Variants in PCSK2 observed in about 807,000 individuals in gnomAD.
PCSK2 encodes the protein neuroendocrine convertase 2.
A neutral mutation model predicts 69.7 loss-of-function variants in PCSK2; 14 were observed. The observed-to-expected ratio is 0.20, with a 90% CI of 0.13 to 0.31. The LOEUF is 0.31. Among genes scored for constraint, PCSK2 ranks in the 10% least tolerant of loss-of-function variants. The pLI is 1.00. For synonymous variants in PCSK2, 307 were observed against 320.7 expected, an observed-to-expected ratio of 0.96 and a Z score of 0.46; for missense variants, 544 against 842.5, an observed-to-expected ratio of 0.65 and a Z score of 4.39.
rs190561555 is a variant in PCSK2, at chr20:17,407,086, G to A, written c.544-2177G>A. On this transcript the variant is annotated intron_variant, in intron 5 of 11. Coordinates refer to ENST00000262545, the MANE Select transcript of PCSK2 (RefSeq NM_002594.5). ...CAGCGTCACATCCTCACCAACCTCC[G>A]CTCCCTGCTCTCCACTGGGGATCAA... 9.5e-4 allele frequency among the ~76,000 whole-genome samples: 144 copies of A among 152,182 alleles called. 3 individuals are homozygous for A. Among genetic ancestry groups the A allele is most frequent in the Admixed American group, 9.0e-3 (138 of 15,284 alleles).
intron 7 of PCSK2, among the ~76,000 whole-genome samples, chr20:17,434,404 G>C (rs1421260516): frequency 6.6e-6 from 1 of 152,068 alleles, no homozygotes; most frequent in Non-Finnish European, 1.5e-5. Context: ...AATTAATACT[G>C]TATCTCATTC....
intron 1 of PCSK2, among the ~76,000 whole-genome samples, chr20:17,234,774 T>G (rs912475859): frequency 1.3e-5 from 2 of 152,174 alleles, no homozygotes; most frequent in Non-Finnish European, 2.9e-5. Context: ...TATAGTTAGG[T>G]TCACAATAAT....
chr20:17,292,970 A>G (rs6044727), intron 2 of PCSK2, among the ~76,000 whole-genome samples: 107,840 of 151,784 alleles, frequency 0.71, 38,598 homozygotes, highest in East Asian at 0.91. Context: ...GACTACAGGC[A>G]CGCAGCATTA....
chr20:17,277,160 T>A (rs1988114053), intron 2 of PCSK2, among the ~76,000 whole-genome samples: 1 of 152,118 alleles, frequency 6.6e-6, no homozygotes, highest in East Asian at 1.9e-4. Flanking sequence ...AATTTATAGA[T>A]TCAATGCCAT....
At chr20:17,294,573 T>C (rs1242256865) in intron 2 of PCSK2, among the ~76,000 whole-genome samples, 2 of 152,234 alleles carry the variant, frequency 1.3e-5, no homozygotes, top group Admixed American at 1.3e-4. Context: ...CATTTTCCTC[T>C]GAGCTCTGTA....
intron 2 of PCSK2, among the ~76,000 whole-genome samples, chr20:17,294,271 ATT>A (rs11483900): frequency 1.2e-4 from 18 of 147,534 alleles, no homozygotes; most frequent in Middle Eastern, 3.4e-3. Context: ...CGCCCGGCTA[ATT>A]TTTTTTGTAT....
In PCSK2 at chr20:17,453,110, TAA is replaced by T. The variant is rs1321550929; in HGVS notation, c.886-627_886-626del. 6.6e-6 allele frequency among the ~76,000 whole-genome samples: 1 copy of T among 152,144 alleles called. No homozygotes were observed. Among genetic ancestry groups the T allele is most frequent in the African/African-American group, 2.4e-5 (1 of 41,430 alleles). ...AAAAGGATTCTAGTATCCAATTGAA[TAA>T]AAAAGAATATATACATATGCACACA... On this transcript the variant is annotated intron_variant, in intron 8 of 11. Transcript: ENST00000262545. This position sits in a 1 kb window ranked among gnomAD's most constrained non-coding sequence, Gnocchi z 4.0.
intron 1 of PCSK2, among the ~76,000 whole-genome samples, chr20:17,239,569 GAA>G (rs1405006089): frequency 6.6e-6 from 1 of 152,100 alleles, no homozygotes; most frequent in Non-Finnish European, 1.5e-5. Flanking sequence ...CCATAAACTA[GAA>G]AATGAGGAGA....
intron 1 of PCSK2, among the ~76,000 whole-genome samples, chr20:17,229,723 C>T (rs1172522574): frequency 6.6e-6 from 1 of 152,026 alleles, no homozygotes; most frequent in African/African-American, 2.4e-5. Flanking sequence ...GTTTAAGTAA[C>T]AGGGACTGCC....
intron 2 of PCSK2, among the ~76,000 whole-genome samples, chr20:17,320,236 C>G (rs548210505): frequency 6.6e-6 from 1 of 152,312 alleles, no homozygotes; most frequent in South Asian, 2.1e-4. Flanking sequence ...ACACTTAGCT[C>G]TCATCCATGT....
At chr20:17,360,100 G>A (rs1416421089) in intron 3 of PCSK2, among the ~76,000 whole-genome samples, 1 of 152,160 alleles carries the variant, frequency 6.6e-6, no homozygotes, top group Non-Finnish European at 1.5e-5. Flanking sequence ...TTGTTATTTA[G>A]TAAGAAGTTA....
intron 1 of PCSK2, among the ~76,000 whole-genome samples, chr20:17,251,811 G>A (rs558416608): frequency 2.6e-5 from 4 of 152,284 alleles, no homozygotes; most frequent in African/African-American, 4.8e-5. Context: ...TCCACGATGT[G>A]TGGAGGCTCA....
intron 1 of PCSK2, among the ~76,000 whole-genome samples, chr20:17,238,156 GTGA>G (rs777079417): frequency 5.9e-5 from 9 of 152,194 alleles, no homozygotes; most frequent in Non-Finnish European, 1.3e-4. Flanking sequence ...AGCATCAAGT[GTGA>G]TGAAGTGGAG....
intron 2 of PCSK2, among the ~76,000 whole-genome samples, chr20:17,317,967 AG>A (rs1989741157): frequency 6.6e-6 from 1 of 152,212 alleles, no homozygotes; most frequent in African/African-American, 2.4e-5. Flanking sequence ...AATAGAAAAA[AG>A]GTTTGCCTGA....
chr20:17,367,850 A>G (rs2030642158), intron 4 of PCSK2, among the ~76,000 whole-genome samples: 1 of 152,178 alleles, frequency 6.6e-6, no homozygotes, highest in Non-Finnish European at 1.5e-5. Flanking sequence ...CAACATTTAA[A>G]AATATTTGTC....
At chr20:17,473,624 C>G (rs931437185) in intron 11 of PCSK2, among the ~76,000 whole-genome samples, 3 of 152,094 alleles carry the variant, frequency 2.0e-5, no homozygotes, top group Non-Finnish European at 4.4e-5. Context: ...CTCATAAAAG[C>G]AATACATGGT....
At chr20:17,438,553 G>A (rs1015094552) in intron 8 of PCSK2, among the ~76,000 whole-genome samples, 7 of 152,166 alleles carry the variant, frequency 4.6e-5, no homozygotes, top group Non-Finnish European at 1.0e-4. Flanking sequence ...ACACGAAATG[G>A]TACGGTTGAG....
At chr20:17,297,236 T>C (rs1187674300) in intron 2 of PCSK2, among the ~76,000 whole-genome samples, 1 of 152,154 alleles carries the variant, frequency 6.6e-6, no homozygotes, top group East Asian at 1.9e-4. Flanking sequence ...TACAGAACAG[T>C]GCCAGACAGA....
rs1170027196 is a variant in PCSK2, at chr20:17,482,181, T to C, written c.*111T>C. Reference sequence around the variant, plus strand: ...TCCATCACCCGTACAGGCAATTCCGTCTTCTTAATCTGAAGCTTCACTCAC... The same window carrying C: ...TCCATCACCCGTACAGGCAATTCCGCCTTCTTAATCTGAAGCTTCACTCAC... On this transcript the variant is annotated 3_prime_UTR_variant, in exon 12 of 12. Coordinates refer to ENST00000262545, the MANE Select transcript of PCSK2 (RefSeq NM_002594.5). The C allele has an allele frequency of 1.6e-5, 15 of 942,702 alleles. No homozygotes were observed. The highest frequency in any genetic ancestry group is 2.9e-5 in the Admixed American group (1 of 34,058). 58.4% of individuals were successfully genotyped at this position (942,702 alleles called of 1,614,324 possible).
Sources: gnomAD v4.1 joint callset for allele counts (sites outside exome capture counted in the v4.1 genomes callset) on GRCh38, gnomAD v4.1.1 for gene constraint, Gnocchi (gnomAD v3.1) non-coding constraint, MANE v1.5 for transcripts, NCBI Gene and HGNC (gene_info 2026-07-23, HGNC 2026-07-21) for gene names.